Variants in CTNNA3 observed in about 807,000 individuals in gnomAD.
The protein encoded by CTNNA3 is catenin alpha 3, also known as catenin alpha-3.
Under a neutral mutation model 95.7 loss-of-function variants are expected in CTNNA3, and 76 were observed. The ratio of observed to expected loss-of-function variants is 0.79; its 90% confidence interval spans 0.66 to 0.96. The LOEUF is 0.96. Among genes scored for constraint, CTNNA3 ranks in the 40% least tolerant of loss-of-function variants. CTNNA3 has a pLI of 0.00. For missense variants in CTNNA3, 1,191 were observed against 1,089.8 expected (o/e 1.09, Z -1.31); for synonymous variants, 431 against 374.4 (o/e 1.15, Z -1.74).
At chr10:67,183,526 C>T (rs989487226) in intron 6 of CTNNA3, among the ~76,000 whole-genome samples, 1 of 151,042 alleles carries the variant, frequency 6.6e-6, no homozygotes, top group African/African-American at 2.4e-5. Flanking sequence ...ACATCACACA[C>T]TGGGGCCTGT....
At chr10:66,015,670 C>G (rs1015781272) in intron 15 of CTNNA3, among the ~76,000 whole-genome samples, 18 of 151,862 alleles carry the variant, frequency 1.2e-4, no homozygotes, top group Admixed American at 7.9e-4. Context: ...CTAAATTATA[C>G]ACTGGCCTTT....
At chr10:67,726,080 T>A (rs1360526317) in intron 1 of CTNNA3, among the ~76,000 whole-genome samples, 9 of 122,040 alleles carry the variant, frequency 7.4e-5, no homozygotes, top group Non-Finnish European at 1.4e-4. Context: ...ATATTTAAAT[T>A]ATATATTATA....
At chr10:66,313,056 T>C (rs1423276132) in intron 12 of CTNNA3, among the ~76,000 whole-genome samples, 1 of 152,130 alleles carries the variant, frequency 6.6e-6, no homozygotes, top group Non-Finnish European at 1.5e-5. Flanking sequence ...GAAGAGAGTC[T>C]AGATTGAGAA....
At chr10:67,218,882 C>T (rs1041400186) in intron 6 of CTNNA3, among the ~76,000 whole-genome samples, 4 of 152,144 alleles carry the variant, frequency 2.6e-5, no homozygotes, top group Non-Finnish European at 5.9e-5. Flanking sequence ...AGACACGAGT[C>T]GCAGCATGTC....
At chr10:66,617,343 C>T (rs577377360) in intron 10 of CTNNA3, among the ~76,000 whole-genome samples, 1 of 151,440 alleles carries the variant, frequency 6.6e-6, no homozygotes, top group African/African-American at 2.4e-5. Context: ...TCCAGCAGCA[C>T]ATCAAAAAGC....
chr10:66,428,611 G>A (rs537296792), intron 11 of CTNNA3, among the ~76,000 whole-genome samples: 40,019 of 151,648 alleles, frequency 0.26, 5,404 homozygotes, highest in South Asian at 0.39. Context: ...ACTCAAAACT[G>A]CTCAACTACA....
rs117728794 is a variant in CTNNA3 at position 67,226,953 on chromosome 10, T to C, written c.580-7083A>G. On this transcript the variant is annotated intron_variant, in intron 5 of 17. Coordinates refer to ENST00000433211, the MANE Select transcript of CTNNA3 (RefSeq NM_013266.4). ...ACTTAAAAGATACAGAACCACAGAA[T>C]GCAGAAGAACTCACCAACCAACCAT... 0.013 allele frequency among the ~76,000 whole-genome samples: 1,986 copies of C among 152,230 alleles called. 125 individuals carry two copies. In the East Asian group the frequency reaches 0.19, roughly 15 times the overall value.
At chr10:66,637,362 T>A (rs902991945) in intron 9 of CTNNA3, among the ~76,000 whole-genome samples, 4 of 152,202 alleles carry the variant, frequency 2.6e-5, no homozygotes, top group African/African-American at 9.6e-5. Flanking sequence ...TCAAGGTAGC[T>A]CCATGCACAT....
chr10:67,600,099 A>G (rs1332247100), intron 3 of CTNNA3, among the ~76,000 whole-genome samples: 1 of 152,126 alleles, frequency 6.6e-6, no homozygotes, highest in African/African-American at 2.4e-5. Flanking sequence ...CAAAAGAAAA[A>G]AACAGTTTAT....
intron 5 of CTNNA3, among the ~76,000 whole-genome samples, chr10:67,306,788 A>T (rs1993987): frequency 0.13 from 19,402 of 147,372 alleles, 2,083 homozygotes; most frequent in African/African-American, 0.3. Context: ...GGATTTTTTT[A>T]AAAAAAAATA....
intron 2 of CTNNA3, among the ~76,000 whole-genome samples, chr10:67,613,822 A>C (rs1169957103): frequency 6.6e-6 from 1 of 151,610 alleles, no homozygotes; most frequent in African/African-American, 2.4e-5. Flanking sequence ...CCAGAGACCC[A>C]TTTTATGGAA....
rs113709305 is a variant in CTNNA3, at chr10:67,725,459, G to A, written c.-2+37975C>T. ...CCCAAACTGGTGGGATTAAAGGGGT[G>A]AGCCACTGCGCCCGGCCTTATTGTA... On this transcript the variant is annotated intron_variant, in intron 1 of 17. Coordinates refer to the CTNNA3 transcript ENST00000684154. 6.2e-4 allele frequency among the ~76,000 whole-genome samples: 94 copies of A among 152,256 alleles called. 2 individuals are homozygous for A. Among genetic ancestry groups the A allele is most frequent in the African/African-American group, 2.1e-3 (87 of 41,530 alleles).
At chr10:66,430,741 C>A (rs1306757192) in intron 11 of CTNNA3, among the ~76,000 whole-genome samples, 3 of 152,124 alleles carry the variant, frequency 2.0e-5, no homozygotes, top group Non-Finnish European at 4.4e-5. Context: ...ACACCTTATA[C>A]AAAATTTAAT....
At chr10:67,114,709 GGTGTGTGTGTGTGTGTGT>G (rs56772381) in intron 7 of CTNNA3, among the ~76,000 whole-genome samples, 3 of 144,754 alleles carry the variant, frequency 2.1e-5, no homozygotes, top group Admixed American at 6.8e-5. Flanking sequence ...GGTTCTTAAA[GGTGTGTGTGTGTGTGTGT>G]GTGTGTGTGT....
At chr10:67,705,706 C>T (rs867523657) in intron 1 of CTNNA3, among the ~76,000 whole-genome samples, 1 of 148,154 alleles carries the variant, frequency 6.7e-6, no homozygotes, top group Admixed American at 6.7e-5. Flanking sequence ...TGCAGCACAC[C>T]AGCATGGCAC....
In CTNNA3 at chr10:67,525,602, T is replaced by C. The variant is rs1589389489; in HGVS notation, c.460-3641A>G. Among the ~76,000 whole-genome samples the C allele has an allele frequency of 5.9e-5, 9 of 152,248 alleles. No individual in the cohort carries two copies. The South Asian group carries it at 1.9e-3, about 32-fold the overall frequency. On this transcript the variant is annotated intron_variant, in intron 4 of 17. Transcript: ENST00000433211. ...TATGCATCCAATGAGTTCATGTAAA[T>C]TATGTAGATTTGTGGAGTAATTTGA...
chr10:67,377,986 C>G (rs1208183102), intron 5 of CTNNA3, among the ~76,000 whole-genome samples: 1 of 151,962 alleles, frequency 6.6e-6, no homozygotes, highest in Non-Finnish European at 1.5e-5. Flanking sequence ...TTCAAGCCAC[C>G]CCCACACTTC....
chr10:66,892,793 C>T (rs1265257475), intron 7 of CTNNA3, among the ~76,000 whole-genome samples: 5 of 152,136 alleles, frequency 3.3e-5, no homozygotes, highest in South Asian at 2.1e-4. Context: ...TTAAACACTA[C>T]GAAAATGTAG....
At chr10:66,258,363 C>T (rs981742032) in intron 13 of CTNNA3, among the ~76,000 whole-genome samples, 2 of 152,196 alleles carry the variant, frequency 1.3e-5, no homozygotes, top group Non-Finnish European at 2.9e-5. Context: ...TTAAACATGA[C>T]AACTCCAGGA....
Sources: allele counts gnomAD v4.1 joint callset (sites outside exome capture counted in the v4.1 genomes callset), GRCh38; gene constraint gnomAD v4.1.1; transcripts MANE v1.5; gene names NCBI Gene and HGNC (gene_info 2026-07-23, HGNC 2026-07-21).